Variants in FAM53A observed in about 807,000 individuals in gnomAD.
FAM53A encodes the protein protein FAM53A.
A neutral mutation model predicts 26.6 loss-of-function variants in FAM53A; 28 were observed. That is an observed-to-expected ratio of 1.05 (90% CI 0.78 to 1.45). FAM53A has a LOEUF of 1.45. FAM53A is among the 40% of genes most tolerant of loss of function. FAM53A has a pLI of 0.00. For synonymous variants in FAM53A, 290 were observed against 253.1 expected, an observed-to-expected ratio of 1.15 and a Z score of -1.38; for missense variants, 650 against 575.8, an observed-to-expected ratio of 1.13 and a Z score of -1.32.
At chr4:1,670,626 C>T (rs1032372162) in intron 1 of FAM53A, among the ~76,000 whole-genome samples, 1 of 152,220 alleles carries the variant, frequency 6.6e-6, no homozygotes, top group Non-Finnish European at 1.5e-5. Flanking sequence ...CCTCGGCAGC[C>T]ACCACTGTCA....
the FAM53A span, among the ~76,000 whole-genome samples, chr4:1,601,727 G>A: frequency 2.7e-5 from 3 of 109,434 alleles, 1 homozygote; most frequent in African/African-American, 8.8e-5. Flanking sequence ...CTGCCCCTGG[G>A]CTGTGAGCTC....
chr4:1,638,698 G>A (rs1368528073), downstream of FAM53A, among the ~76,000 whole-genome samples: 2 of 152,052 alleles, frequency 1.3e-5, no homozygotes, highest in East Asian at 1.9e-4. Context: ...GCTGGTGACT[G>A]CACACGTAAA....
chr4:1,577,269 C>G, the FAM53A span, among the ~76,000 whole-genome samples: 1 of 152,214 alleles, frequency 6.6e-6, no homozygotes, highest in South Asian at 2.1e-4. Flanking sequence ...GACCTGCCCC[C>G]TCCAGGACAG....
downstream of FAM53A, among the ~76,000 whole-genome samples, chr4:1,638,183 C>T (rs1014471860): frequency 6.6e-6 from 1 of 151,870 alleles, no homozygotes; most frequent in Non-Finnish European, 1.5e-5. Context: ...GACTCAAATG[C>T]CCCTGGTGAG....
At chr4:1,621,678 T>TC in intron 1 of FAM53A, among the ~76,000 whole-genome samples, 1 of 152,142 alleles carries the variant, frequency 6.6e-6, no homozygotes, top group East Asian at 1.9e-4. Context: ...ACTGGGGCAG[T>TC]CCCCCCATCC....
chr4:1,589,670 C>G, the FAM53A span, among the ~76,000 whole-genome samples: 2 of 152,036 alleles, frequency 1.3e-5, no homozygotes, highest in African/African-American at 2.4e-5. Flanking sequence ...TATATTTTTA[C>G]AGAAATGTAT....
chr4:1,621,771 G>A (rs1252072766), intron 1 of FAM53A, among the ~76,000 whole-genome samples: 2 of 152,240 alleles, frequency 1.3e-5, no homozygotes, highest in Admixed American at 6.5e-5. Flanking sequence ...CACAGAGCAG[G>A]CTGAACGTCT....
the FAM53A span, among the ~76,000 whole-genome samples, chr4:1,587,265 T>C: frequency 6.6e-6 from 1 of 152,212 alleles, no homozygotes; most frequent in Non-Finnish European, 1.5e-5. Flanking sequence ...TTATCTATTT[T>C]CTCTTTTGTT....
chr4:1,676,747 C>G (rs798736), intron 1 of FAM53A, among the ~76,000 whole-genome samples: 152,041 of 152,260 alleles, frequency 1, 75,912 homozygotes, highest in East Asian at 1. Context: ...AGGCACGTCA[C>G]GGTGTATCTC....
intron 1 of FAM53A, among the ~76,000 whole-genome samples, chr4:1,625,653 G>C (rs1227853738): frequency 8.2e-6 from 1 of 121,390 alleles, no homozygotes; most frequent in Non-Finnish European, 1.8e-5. Flanking sequence ...AAGGCCCCAC[G>C]TCCCGACCCA....
Position 1,655,301 on chromosome 4 carries a change from G to A in FAM53A, c.559C>T (p.Pro187Ser), listed in dbSNP as rs762778276. 1.8e-4 allele frequency: 263 copies of A among 1,423,806 alleles called. 1 individual carries two copies. In the African/African-American group the frequency reaches 3.8e-3, roughly 21 times the overall value. 88.2% of individuals were successfully genotyped at this position (1,423,806 alleles called of 1,614,324 possible). ...ACGAAGCCGCCGCTGGCGGAGGACG[G>A]CCGGGGCGTGGCGGGCGAGGTGGGA... The part of the protein sequence containing the change: ...TGPTSPATPR[P>S]SSASGGFVDS... The change falls in exon 4 of 5, where the codon CCG becomes TCG. Residue 187 changes from proline (P) to serine (S), a missense_variant. Pro to Ser is a moderately conservative substitution (Grantham distance 74, BLOSUM62 -1). Coordinates refer to ENST00000308132, the MANE Select transcript of FAM53A (RefSeq NM_001174070.3).
rs540258361 is a variant in FAM53A at position 1,668,805 on chromosome 4, C to A, written c.-64G>T. ...CTGGAGTCCTGGAACATCAGACTTG[C>A]GAAGGCCCCAGCATTGCTGGGTCAG... On this transcript the variant is annotated 5_prime_UTR_variant, in exon 2 of 5. Coordinates refer to ENST00000308132, the MANE Select transcript of FAM53A (RefSeq NM_001174070.3). The A allele has an allele frequency of 1.9e-5, 29 of 1,530,316 alleles. No homozygotes were observed. In the South Asian group the frequency reaches 3.0e-4, roughly 16 times the overall value. 94.8% of individuals were successfully genotyped at this position (1,530,316 alleles called of 1,614,324 possible). A position where few individuals can be genotyped will look rare whatever the true frequency, so the allele number is the denominator to read the frequency against.
intron 2 of FAM53A, among the ~76,000 whole-genome samples, chr4:1,657,783 G>A (rs533825972): frequency 6.1e-4 from 89 of 144,928 alleles, no homozygotes; most frequent in Middle Eastern, 4.1e-3. Context: ...GACTACAGGC[G>A]CCCACCACCA....
At chr4:1,631,822 T>C (rs1296926597) in intron 1 of FAM53A, among the ~76,000 whole-genome samples, 4 of 152,128 alleles carry the variant, frequency 2.6e-5, no homozygotes, top group African/African-American at 7.2e-5. Context: ...GGACACATGA[T>C]ATACAAGGAA....
At chr4:1,585,327 G>C in the FAM53A span, among the ~76,000 whole-genome samples, 1 of 1,888 alleles carries the variant, frequency 5.3e-4, no homozygotes, top group African/African-American at 0.011. Context: ...CTGTCACTCA[G>C]GCTGGATGGA....
At chr4:1,581,513 CTGCA>C in the FAM53A span, among the ~76,000 whole-genome samples, 1 of 152,188 alleles carries the variant, frequency 6.6e-6, no homozygotes, top group African/African-American at 2.4e-5. Context: ...CCTCGTGGTC[CTGCA>C]TATCTGGAAT....
At chr4:1,675,503 C>T (rs553576206) in intron 1 of FAM53A, among the ~76,000 whole-genome samples, 3 of 152,274 alleles carry the variant, frequency 2.0e-5, no homozygotes, top group East Asian at 1.9e-4. Flanking sequence ...GGCATTAAGT[C>T]GCCGTCCTCG....
At chr4:1,576,672 A>G in the FAM53A span, among the ~76,000 whole-genome samples, 8,760 of 152,332 alleles carry the variant, frequency 0.058, 850 homozygotes, top group African/African-American at 0.2. Context: ...AAGAGGCGGC[A>G]GCGGTGGGCA....
chr4:1,645,144 G>A (rs1712124044), intron 4 of FAM53A, among the ~76,000 whole-genome samples: 2 of 152,212 alleles, frequency 1.3e-5, no homozygotes, highest in South Asian at 4.1e-4. Flanking sequence ...GCAGCACAGT[G>A]CATGTTGAAA....
Sources: allele counts gnomAD v4.1 joint callset (sites outside exome capture counted in the v4.1 genomes callset), GRCh38; gene constraint gnomAD v4.1.1; transcripts MANE v1.5; gene names NCBI Gene and HGNC (gene_info 2026-07-23, HGNC 2026-07-21).